The following KCNIP1 variants were observed in gnomAD, a reference collection of about 807,000 sequenced individuals.
KCNIP1 encodes the protein potassium voltage-gated channel interacting protein 1, also known as A-type potassium channel modulatory protein KCNIP1.
A neutral mutation model predicts 33.0 loss-of-function variants in KCNIP1; 18 were observed. That is an observed-to-expected ratio of 0.55 (90% CI 0.38 to 0.81). KCNIP1 has a LOEUF of 0.81. Ranked by LOEUF, KCNIP1 falls within the 30% of genes least tolerant of loss-of-function variation. The probability of loss-of-function intolerance (pLI) is 0.00; values close to 1 mark genes in which losing one functional copy is unlikely to be tolerated. For synonymous variants in KCNIP1, 93 were observed against 98.3 expected (o/e 0.95, Z 0.32); for missense variants, 238 against 271.6 (o/e 0.88, Z 0.87).
chr5:170,513,185 G>A (rs34265656), intron 1 of KCNIP1, among the ~76,000 whole-genome samples: 11,546 of 152,248 alleles, frequency 0.076, 501 homozygotes, highest in Middle Eastern at 0.2. Flanking sequence ...GGAACTATGT[G>A]TATTGTATTA....
intron 1 of KCNIP1, among the ~76,000 whole-genome samples, chr5:170,471,597 C>A (rs890192188): frequency 1.3e-5 from 2 of 152,226 alleles, no homozygotes; most frequent in African/African-American, 2.4e-5. Flanking sequence ...CTTGGCTCCA[C>A]ATGCCAGTCT....
At chr5:170,420,356 T>A (rs1755450898) in intron 1 of KCNIP1, 1 of 152,136 alleles carries the variant, frequency 6.6e-6, no homozygotes, top group Non-Finnish European at 1.5e-5. Flanking sequence ...TTCTTTATGA[T>A]TTCTCGTAAT....
intron 1 of KCNIP1, among the ~76,000 whole-genome samples, chr5:170,554,087 C>T (rs1334308856): frequency 1.3e-5 from 2 of 152,146 alleles, no homozygotes; most frequent in Admixed American, 1.3e-4. Context: ...GTATGGCCAG[C>T]TCTTCTGATT....
At chr5:170,599,659 C>T (rs914923176) in intron 1 of KCNIP1, among the ~76,000 whole-genome samples, 1 of 45,802 alleles carries the variant, frequency 2.2e-5, no homozygotes, top group South Asian at 6.6e-4. Flanking sequence ...GAGAAGTTCC[C>T]GTGCAATGGA....
chr5:170,550,047 C>T (rs573490190), intron 1 of KCNIP1, among the ~76,000 whole-genome samples: 6 of 152,194 alleles, frequency 3.9e-5, no homozygotes, highest in South Asian at 4.2e-4. Flanking sequence ...ATTGGACTGT[C>T]GTGGAGGCAT....
At chr5:170,411,355 T>G (rs1479345876) in intron 1 of KCNIP1, among the ~76,000 whole-genome samples, 1 of 152,234 alleles carries the variant, frequency 6.6e-6, no homozygotes, top group Non-Finnish European at 1.5e-5. Context: ...GAGTCATGGT[T>G]CAAACCCAGG....
At chr5:170,546,234 G>A (rs1756402892) in intron 1 of KCNIP1, among the ~76,000 whole-genome samples, 1 of 152,152 alleles carries the variant, frequency 6.6e-6, no homozygotes, top group African/African-American at 2.4e-5. Context: ...TTCAAAATCT[G>A]GCAAATATCT....
At chr5:170,554,177 A>C (rs1043059124) in intron 1 of KCNIP1, among the ~76,000 whole-genome samples, 1 of 151,998 alleles carries the variant, frequency 6.6e-6, no homozygotes, top group Non-Finnish European at 1.5e-5. Context: ...ATCCCAAAGA[A>C]AATATTATCT....
At chr5:170,662,332 C>G (rs1761531870) in intron 1 of KCNIP1, among the ~76,000 whole-genome samples, 1 of 152,130 alleles carries the variant, frequency 6.6e-6, no homozygotes, top group South Asian at 2.1e-4. Context: ...GGAGGAGCTA[C>G]CCGGGGGAGG....
intron 1 of KCNIP1, among the ~76,000 whole-genome samples, chr5:170,394,291 C>T (rs1049957966): frequency 3.3e-5 from 5 of 152,238 alleles, no homozygotes; most frequent in African/African-American, 9.6e-5. Context: ...TTCTGCAGAA[C>T]ACTTCCTCCG....
chr5:170,595,757 C>T (rs1438655552), intron 1 of KCNIP1, among the ~76,000 whole-genome samples: 1 of 152,230 alleles, frequency 6.6e-6, no homozygotes, highest in African/African-American at 2.4e-5. Context: ...GCCAAGGTTA[C>T]ACTGCTAGCA....
chr5:170,401,379 T>C (rs1754898680), intron 1 of KCNIP1, among the ~76,000 whole-genome samples: 1 of 152,198 alleles, frequency 6.6e-6, no homozygotes, highest in African/African-American at 2.4e-5. Flanking sequence ...ACTAGAATCT[T>C]CTCTGGGAGT....
intron 2 of KCNIP1, among the ~76,000 whole-genome samples, chr5:170,719,949 C>T (rs192322814): frequency 1.4e-3 from 214 of 152,292 alleles, no homozygotes; most frequent in Non-Finnish European, 2.7e-3. Context: ...CTCAATACCA[C>T]CTAACATAGG....
intron 1 of KCNIP1, among the ~76,000 whole-genome samples, chr5:170,515,440 T>TAA (rs1755086371): frequency 6.6e-6 from 1 of 152,212 alleles, no homozygotes. Flanking sequence ...TGCCTTCCCC[T>TAA]GAAGAAGAAG....
intron 1 of KCNIP1, chr5:170,485,804 C>G (rs1757079086): frequency 6.5e-6 from 1 of 153,110 alleles, no homozygotes; most frequent in Non-Finnish European, 1.5e-5. Context: ...GCCCCAGCCC[C>G]AGCCCCAGCT....
At chr5:170,513,656 G>A (rs932845359) in intron 1 of KCNIP1, among the ~76,000 whole-genome samples, 3 of 152,210 alleles carry the variant, frequency 2.0e-5, no homozygotes, top group Non-Finnish European at 4.4e-5. Context: ...ACAGGGTGCA[G>A]GACAGAGCCA....
At chr5:170,452,729 A>ACTCT (rs1561632910) in intron 1 of KCNIP1, among the ~76,000 whole-genome samples, 1 of 152,032 alleles carries the variant, frequency 6.6e-6, no homozygotes. Flanking sequence ...GCGAACTGTT[A>ACTCT]CTCTCTGTCA....
intron 1 of KCNIP1, among the ~76,000 whole-genome samples, chr5:170,612,038 A>G (rs886915574): frequency 2.0e-5 from 3 of 152,214 alleles, no homozygotes; most frequent in Non-Finnish European, 2.9e-5. Flanking sequence ...CCACACCTCG[A>G]TTAATCCACA....
intron 1 of KCNIP1, among the ~76,000 whole-genome samples, chr5:170,496,585 A>C (rs1351877663): frequency 6.6e-6 from 1 of 152,242 alleles, no homozygotes. Flanking sequence ...AACAGAGGTC[A>C]CCACTGCTAA....
Sources: gnomAD v4.1 joint callset for allele counts (sites outside exome capture counted in the v4.1 genomes callset) on GRCh38, gnomAD v4.1.1 for gene constraint, MANE v1.5 for transcripts, NCBI Gene and HGNC (gene_info 2026-07-23, HGNC 2026-07-21) for gene names.